LDB2: variants seen among roughly 807,000 people sequenced by gnomAD.
LDB2 encodes the protein LIM domain binding 2.
In LDB2, 12 loss-of-function variants were observed where a neutral mutation model predicts 44.3. The ratio of observed to expected loss-of-function variants is 0.27; its 90% CI spans 0.17 to 0.44. The LOEUF is 0.44. LDB2 is among the 20% of genes least tolerant of loss of function. LDB2 has a pLI of 1.00. For synonymous variants in LDB2, 164 were observed against 174.8 expected, an observed-to-expected ratio of 0.94 and a Z score of 0.49; for missense variants, 344 against 473.5, an observed-to-expected ratio of 0.73 and a Z score of 2.54.
At position 16,759,092 on chromosome 4, in the gene LDB2, A is replaced by G. The variant is rs1767315465; in HGVS notation, c.235+66T>C. The stretch of plus-strand genomic sequence containing the variant: ...CTGTCAGCTCTGTGCTATTCTCTGA[A>G]GACCCCTGCGGTTTTCTTACAGGCA... On this transcript the variant is annotated intron_variant, in intron 2 of 7. Transcript: ENST00000304523. The G allele has an allele frequency of 9.0e-6, 9 of 999,608 alleles. No homozygotes were observed. In the South Asian group the frequency reaches 1.2e-4, roughly 13 times the overall value. 61.9% of individuals were successfully genotyped at this position (999,608 alleles called of 1,614,324 possible).
At chr4:16,639,015 G>A (rs960089189) in intron 2 of LDB2, among the ~76,000 whole-genome samples, 9 of 152,202 alleles carry the variant, frequency 5.9e-5, no homozygotes, top group Non-Finnish European at 1.2e-4. Flanking sequence ...GTTGCAAAAA[G>A]AGTAGTTGCA....
At chr4:16,874,500 G>A (rs533579885) in intron 1 of LDB2, among the ~76,000 whole-genome samples, 46 of 152,252 alleles carry the variant, frequency 3.0e-4, no homozygotes, top group African/African-American at 1.1e-3. Context: ...TGCAGAATGG[G>A]TGCGAATGGT....
chr4:16,558,621 G>A (rs1056134661), intron 5 of LDB2, among the ~76,000 whole-genome samples: 1 of 152,224 alleles, frequency 6.6e-6, no homozygotes, highest in Non-Finnish European at 1.5e-5. Context: ...ATGGAACCAA[G>A]TTGGAAAACA....
At chr4:16,863,595 G>A (rs572087363) in intron 1 of LDB2, among the ~76,000 whole-genome samples, 5 of 151,856 alleles carry the variant, frequency 3.3e-5, no homozygotes, top group Admixed American at 2.0e-4. Context: ...AACAGAGGTG[G>A]GTCGGATGTG....
chr4:16,708,716 A>G (rs751591605), intron 2 of LDB2, among the ~76,000 whole-genome samples: 1 of 152,074 alleles, frequency 6.6e-6, no homozygotes, highest in African/African-American at 2.4e-5. Flanking sequence ...GATATAGTGG[A>G]TAGACATAAT....
chr4:16,795,239 G>A (rs1199870414), intron 1 of LDB2, among the ~76,000 whole-genome samples: 2 of 152,214 alleles, frequency 1.3e-5, no homozygotes, highest in African/African-American at 2.4e-5. Context: ...GGGAAGAGAA[G>A]CATGTCAGAT....
At chr4:16,521,186 G>A (rs913403833) in intron 5 of LDB2, among the ~76,000 whole-genome samples, 1 of 152,170 alleles carries the variant, frequency 6.6e-6, no homozygotes, top group Non-Finnish European at 1.5e-5. Flanking sequence ...AAAACAACAG[G>A]AATGTATGCT....
At chr4:16,801,846 C>T (rs998940689) in intron 1 of LDB2, among the ~76,000 whole-genome samples, 38 of 152,142 alleles carry the variant, frequency 2.5e-4, no homozygotes, top group African/African-American at 8.2e-4. Context: ...GGAAAAGGTG[C>T]TTTCAGGAAA....
chr4:16,670,807 A>G (rs930998358), intron 2 of LDB2, among the ~76,000 whole-genome samples: 12 of 152,212 alleles, frequency 7.9e-5, no homozygotes, highest in African/African-American at 2.4e-4. Context: ...CGCTCATAAG[A>G]GAAGGCTTGA....
At chr4:16,512,354 A>G (rs769095321) in intron 5 of LDB2, among the ~76,000 whole-genome samples, 14 of 152,172 alleles carry the variant, frequency 9.2e-5, no homozygotes, top group Non-Finnish European at 2.1e-4. Context: ...ACACAAACAC[A>G]CACATATACG....
At position 16,582,438 on chromosome 4, in the gene LDB2, A is replaced by G. The variant is rs1480222606; in HGVS notation, c.615+3484T>C. On this transcript the variant is annotated intron_variant, in intron 5 of 7. Coordinates refer to ENST00000304523, the MANE Select transcript of LDB2 (RefSeq NM_001290.5). This position sits in a 1 kb window ranked among gnomAD's most constrained non-coding sequence, Gnocchi z 4.8. The stretch of plus-strand genomic sequence containing the variant: ...ACAACAGGACTTCTGCTTCCCAACA[A>G]ACAAGGCAAAGGACACATTTCCGAG... Among the ~76,000 whole-genome samples the G allele has an allele frequency of 2.0e-5, 3 of 152,064 alleles. No individual in the cohort carries two copies. Among genetic ancestry groups the G allele is most frequent in the Non-Finnish European group, 2.9e-5 (2 of 68,008 alleles).
intron 1 of LDB2, among the ~76,000 whole-genome samples, chr4:16,839,439 G>A (rs1344632516): frequency 6.6e-5 from 10 of 152,126 alleles, no homozygotes; most frequent in Non-Finnish European, 4.4e-5. Flanking sequence ...GTTCATGAGG[G>A]ATCCACCTCC....
At chr4:16,544,484 A>G (rs1735000366) in intron 5 of LDB2, among the ~76,000 whole-genome samples, 1 of 152,168 alleles carries the variant, frequency 6.6e-6, no homozygotes, top group Non-Finnish European at 1.5e-5. Flanking sequence ...TATTCCATTT[A>G]AGCATAAAAG....
chr4:16,581,493 T>C (rs11730714), intron 5 of LDB2: 93,774 of 933,034 alleles, frequency 0.1, 5,026 homozygotes, highest in Non-Finnish European at 0.11. Flanking sequence ...AAACACCTAC[T>C]TTTGTTGGTA....
At chr4:16,536,658 A>G (rs1462263239) in intron 5 of LDB2, among the ~76,000 whole-genome samples, 4 of 152,198 alleles carry the variant, frequency 2.6e-5, no homozygotes, top group African/African-American at 9.6e-5. Context: ...AGGGAATCCC[A>G]GTTCTGCCAC....
intron 2 of LDB2, among the ~76,000 whole-genome samples, chr4:16,649,623 T>C (rs1320905524): frequency 6.6e-6 from 1 of 152,220 alleles, no homozygotes; most frequent in Non-Finnish European, 1.5e-5. Context: ...TACCACTCAC[T>C]AGCCCTTAAC....
intron 5 of LDB2, among the ~76,000 whole-genome samples, chr4:16,552,253 AT>A (rs2152351070): frequency 6.6e-6 from 1 of 152,334 alleles, no homozygotes; most frequent in Non-Finnish European, 1.5e-5. Context: ...TAATGAATAT[AT>A]TTCAGATGGC....
At chr4:16,553,502 G>T (rs993110494) in intron 5 of LDB2, among the ~76,000 whole-genome samples, 1 of 152,150 alleles carries the variant, frequency 6.6e-6, no homozygotes, top group Non-Finnish European at 1.5e-5. Context: ...TTACAGGTGA[G>T]AAAACTGAGG....
intron 1 of LDB2, among the ~76,000 whole-genome samples, chr4:16,861,583 A>G (rs1413478249): frequency 6.6e-6 from 1 of 152,126 alleles, no homozygotes; most frequent in Non-Finnish European, 1.5e-5. Context: ...ACTCCATTCC[A>G]TCTAACCTTC....
Sources: gnomAD v4.1 joint callset for allele counts (sites outside exome capture counted in the v4.1 genomes callset) on GRCh38, gnomAD v4.1.1 for gene constraint, Gnocchi (gnomAD v3.1) non-coding constraint, MANE v1.5 for transcripts, NCBI Gene and HGNC (gene_info 2026-07-23, HGNC 2026-07-21) for gene names.